Variants in GTF3C1 observed in about 807,000 individuals in gnomAD.
GTF3C1 encodes the protein general transcription factor IIIC subunit 1.
A neutral mutation model predicts 226.7 loss-of-function variants in GTF3C1; 57 were observed. The ratio of observed to expected loss-of-function variants is 0.25; its 90% CI spans 0.20 to 0.31. The LOEUF is 0.31. GTF3C1 is among the 10% of genes least tolerant of loss of function. GTF3C1 has a pLI of 1.00. For synonymous variants in GTF3C1, 1,090 were observed against 1,084.8 expected (o/e 1.00, Z -0.09); for missense variants, 2,217 against 2,776.1 (o/e 0.80, Z 4.53).
In GTF3C1 at chr16:27,461,566, G is replaced by A. The variant is rs2141334714; in HGVS notation, c.6118-4C>T. The A allele has an allele frequency of 1.2e-6, 2 of 1,608,582 alleles. No individual in the cohort carries two copies. The highest frequency in any genetic ancestry group is 1.7e-6 in the Non-Finnish European group (2 of 1,175,646). On this transcript the variant is annotated splice_region_variant and splice_polypyrimidine_tract_variant and intron_variant, in intron 36 of 36. Transcript: ENST00000356183. This position sits in a 1 kb window ranked among gnomAD's most constrained non-coding sequence, Gnocchi z 5.3. ...TGCAGCCGAGGGACTCCAGGCCCTGGAGACACCAGACACACAGGTTACAGC... is the reference window on the plus strand; with the variant it reads ...TGCAGCCGAGGGACTCCAGGCCCTGAAGACACCAGACACACAGGTTACAGC...
In GTF3C1 at chr16:27,488,308, G is replaced by T; in HGVS notation, c.3619C>A (p.Arg1207=). 6.2e-7 allele frequency: 1 copy of T among 1,614,136 alleles called. No homozygotes were observed. The highest frequency in any genetic ancestry group is 8.5e-7 in the Non-Finnish European group (1 of 1,180,002). ...VDREPSLDRN[R]RVRGGKSQKR... The stretch of plus-strand genomic sequence containing the variant: ...TGGCTTTTCCCACCCCTCACTCTCC[G>T]GTTTCGGTCCAGCGAGGGCTCTCGG... The change falls in exon 23 of 37, where the codon CGG becomes AGG. Residue 1207 remains arginine (R), a synonymous_variant. Transcript: ENST00000356183.
At chr16:27,537,576 A>C (rs2089020093) in intron 4 of GTF3C1, among the ~76,000 whole-genome samples, 1 of 151,888 alleles carries the variant, frequency 6.6e-6, no homozygotes, top group Non-Finnish European at 1.5e-5. Flanking sequence ...CGCCCAGCTA[A>C]TTTTTTATTT....
chr16:27,502,149 AC>A (rs576455168), intron 11 of GTF3C1, among the ~76,000 whole-genome samples: 327 of 152,064 alleles, frequency 2.2e-3, no homozygotes, highest in Non-Finnish European at 3.9e-3. Flanking sequence ...CATTAGGAGC[AC>A]CTAGCTCAAC....
chr16:27,516,642 CATAT>C (rs2088662743), intron 6 of GTF3C1, among the ~76,000 whole-genome samples: 2 of 152,152 alleles, frequency 1.3e-5, no homozygotes, highest in African/African-American at 4.8e-5. Flanking sequence ...CACATATATA[CATAT>C]ATATTTTTCT....
At chr16:27,536,751 G>C (rs911276921) in intron 4 of GTF3C1, among the ~76,000 whole-genome samples, 3 of 152,180 alleles carry the variant, frequency 2.0e-5, no homozygotes, top group Admixed American at 6.5e-5. Flanking sequence ...CTGCTGGCCA[G>C]GTACTGAGGG....
At chr16:27,535,502 G>A (rs1447741033) in intron 4 of GTF3C1, among the ~76,000 whole-genome samples, 1 of 151,598 alleles carries the variant, frequency 6.6e-6, no homozygotes, top group Non-Finnish European at 1.5e-5. Flanking sequence ...TTGAACCTAG[G>A]AGGCAAAGGT....
In GTF3C1 at chr16:27,461,895, T is replaced by C. The variant is rs1418780906; in HGVS notation, c.6118-333A>G. 5 of 395,262 alleles carry C rather than the reference T, an allele frequency of 1.3e-5. No individual in the cohort carries two copies. Among genetic ancestry groups the C allele is most frequent in the Non-Finnish European group, 1.4e-5 (3 of 215,692 alleles). The allele number at this position is 395,262 out of a possible 1,614,324, so 24.5% of individuals were successfully genotyped here. A position where few individuals can be genotyped will look rare whatever the true frequency, so the allele number is the denominator to read the frequency against. On this transcript the variant is annotated intron_variant, in intron 36 of 36. Coordinates refer to ENST00000356183, the MANE Select transcript of GTF3C1 (RefSeq NM_001520.4). The surrounding 1 kb of genome is among the most constrained non-coding windows in gnomAD (Gnocchi z 5.3). Reference sequence around the variant, plus strand: ...TCCAGGTGGGGTTTTGTTTGGCTCATGGGGAATTTGACACTCAACTTCAAG... The same window carrying C: ...TCCAGGTGGGGTTTTGTTTGGCTCACGGGGAATTTGACACTCAACTTCAAG...
rs774863581 is a variant in GTF3C1 at position 27,462,433 on chromosome 16, T to C, written c.5978A>G (p.His1993Arg). ...IGRPWRVVDG[H>R]LNLPVCKGMM... The stretch of plus-strand genomic sequence containing the variant: ...ACCCTTGCATACAGGAAGGTTCAGG[T>C]GGCCATCCACGACACGCCACGGCCG... The change falls in exon 36 of 37, where the codon CAC becomes CGC. Residue 1993 changes from histidine to arginine, a missense_variant. Transcript: ENST00000356183. The surrounding 1 kb of genome is among the most constrained non-coding windows in gnomAD (Gnocchi z 4.5). 10 of 1,613,428 alleles carry C rather than the reference T, an allele frequency of 6.2e-6. No homozygotes were observed. The South Asian group carries it at 1.1e-4, about 18-fold the overall frequency.
At chr16:27,503,160 C>T (rs1322246170) in intron 10 of GTF3C1, among the ~76,000 whole-genome samples, 165 bp from the exon 11 acceptor site, 1 of 152,188 alleles carries the variant, frequency 6.6e-6, no homozygotes, top group South Asian at 2.1e-4. Context: ...CACTACTCTA[C>T]CATCTCAATG....
chr16:27,524,653 T>C (rs1378988821), intron 6 of GTF3C1, among the ~76,000 whole-genome samples: 1 of 152,242 alleles, frequency 6.6e-6, no homozygotes, highest in Non-Finnish European at 1.5e-5. Context: ...GACCTTAGGC[T>C]AGGGAGAAGC....
Position 27,528,569 on chromosome 16 carries a change from A to T in GTF3C1, c.973+29T>A, listed in dbSNP as rs1308152354. ...GACAGAAGTGAGAGCCAGCCAGCCAAGGGAACAGAAGCTGAGACTCTGCAT... is the reference window on the plus strand; with the variant it reads ...GACAGAAGTGAGAGCCAGCCAGCCATGGGAACAGAAGCTGAGACTCTGCAT... On this transcript the variant is annotated intron_variant, in intron 6 of 36. Transcript: ENST00000356183. The T allele has an allele frequency of 3.2e-6, 5 of 1,585,742 alleles. No individual in the cohort carries two copies. In the African/African-American group the frequency reaches 6.8e-5, roughly 21 times the overall value.
rs1253654797 is a variant in GTF3C1 at position 27,494,849 on chromosome 16, A to C, written c.2692T>G (p.Phe898Val). The change falls in exon 16 of 37, where the codon TTC (phenylalanine) becomes GTC (valine). Residue 898 changes from phenylalanine (F) to valine (V), a missense_variant. By Grantham distance (50) the Phe-to-Val change is conservative. Around this residue, in one of 12 missense-constraint regions of GTF3C1, gnomAD observed 353 missense variants for 411.7 expected, o/e 0.86. Transcript: ENST00000356183. ...CTGACGAGAGCCCAGCCAAAGCCGA[A>C]GTCCCTGTGGACTGGGATTGGGGGG... ...YIPPIPVHRD[F>V]GFGWALVSDI... 1 of 1,613,006 alleles carries C rather than the reference A, an allele frequency of 6.2e-7. No homozygotes were observed. Among genetic ancestry groups the C allele is most frequent in the Admixed American group, 1.7e-5 (1 of 60,032 alleles).
chr16:27,463,249 A>G lies in GTF3C1; in HGVS notation c.5924+292T>C. ...GTGGGTGAGGTGCCTGTGGGCCATGAGGAGCCAGTGAAGCACAGCTGACAG... is the reference window on the plus strand; with the variant it reads ...GTGGGTGAGGTGCCTGTGGGCCATGGGGAGCCAGTGAAGCACAGCTGACAG... On this transcript the variant is annotated intron_variant, in intron 35 of 36. Transcript: ENST00000356183. The surrounding 1 kb of genome is among the most constrained non-coding windows in gnomAD (Gnocchi z 4.9). 2.2e-6 allele frequency: 1 copy of G among 445,898 alleles called. No homozygotes were observed. The allele number at this position is 445,898 out of a possible 1,614,324, so 27.6% of individuals were successfully genotyped here. A position where few individuals can be genotyped will look rare whatever the true frequency, so the allele number is the denominator to read the frequency against.
Position 27,520,712 on chromosome 16 carries a change from T to C in GTF3C1, c.973+7886A>G, listed in dbSNP as rs1367248356. 2.0e-5 allele frequency among the ~76,000 whole-genome samples: 3 copies of C among 152,078 alleles called. No individual in the cohort carries two copies. The East Asian group carries it at 5.8e-4, about 29-fold the overall frequency. On this transcript the variant is annotated intron_variant, in intron 6 of 36. Transcript: ENST00000356183. ...GGCTGAGTTAGTAGCTGACTTGAGG[T>C]CCCCAATGCTTTTTTTGTTGTTGTT... is the stretch of plus-strand genomic sequence containing the variant.
rs1274546556 is a variant in GTF3C1, at chr16:27,471,041, G to A, written c.4527-646C>T. Among the ~76,000 whole-genome samples the A allele has an allele frequency of 6.6e-6, 1 of 152,254 alleles. No individual in the cohort carries two copies. The highest frequency in any genetic ancestry group is 1.5e-5 in the Non-Finnish European group (1 of 68,042). On this transcript the variant is annotated intron_variant, in intron 30 of 36. Coordinates refer to ENST00000356183, the MANE Select transcript of GTF3C1 (RefSeq NM_001520.4). This position sits in a 1 kb window ranked among gnomAD's most constrained non-coding sequence, Gnocchi z 5.0. Reference sequence around the variant, plus strand: ...GGCCTGAGGGTCATTCGGGGTCAGGGTCTGGGGAGGAGGAAGTGTCTGCCG... The same window carrying A: ...GGCCTGAGGGTCATTCGGGGTCAGGATCTGGGGAGGAGGAAGTGTCTGCCG...
In GTF3C1 at chr16:27,507,278, G is replaced by A; in HGVS notation, c.1243-122C>T. 1.3e-6 allele frequency: 1 copy of A among 754,132 alleles called. No individual in the cohort carries two copies. The highest frequency in any genetic ancestry group is 2.1e-6 in the Non-Finnish European group (1 of 466,614). 46.7% of individuals were successfully genotyped at this position (754,132 alleles called of 1,614,324 possible). A position where few individuals can be genotyped will look rare whatever the true frequency, so the allele number is the denominator to read the frequency against. On this transcript the variant is annotated intron_variant, in intron 8 of 36. Transcript: ENST00000356183. This position sits in a 1 kb window ranked among gnomAD's most constrained non-coding sequence, Gnocchi z 4.9. Reference sequence around the variant, plus strand: ...TTCTGTTTCTCCTGTCTTACTGCCTGGGCCCTGGGTTGGGCACCACTGATG... The same window carrying A: ...TTCTGTTTCTCCTGTCTTACTGCCTAGGCCCTGGGTTGGGCACCACTGATG...
intron 7 of GTF3C1, among the ~76,000 whole-genome samples, chr16:27,511,546 T>C (rs1452515878): frequency 6.6e-6 from 1 of 152,230 alleles, no homozygotes; most frequent in Non-Finnish European, 1.5e-5. Flanking sequence ...CTCAGAGACC[T>C]CATTAAAATC....
chr16:27,472,074 G>C (rs2087880992), intron 29 of GTF3C1, among the ~76,000 whole-genome samples, 154 bp from the exon 30 acceptor site: 1 of 152,096 alleles, frequency 6.6e-6, no homozygotes, highest in Admixed American at 6.5e-5. Context: ...CAGTGAGTGT[G>C]TGTGTGAGTG....
intron 12 of GTF3C1, 65 bp downstream of exon 12, chr16:27,501,126 G>C (rs1437685109): frequency 1.5e-6 from 2 of 1,340,484 alleles, no homozygotes; most frequent in Non-Finnish European, 2.1e-6. Flanking sequence ...AATGACAAGA[G>C]AAGCTAGACA....
Sources: allele counts gnomAD v4.1 joint callset (sites outside exome capture counted in the v4.1 genomes callset), GRCh38; gene constraint gnomAD v4.1.1; regional missense constraint gnomAD v4.1.1; non-coding constraint Gnocchi (gnomAD v3.1); transcripts MANE v1.5; gene names NCBI Gene and HGNC (gene_info 2026-07-23, HGNC 2026-07-21).